The following ERICH3 variants were observed in gnomAD, a reference collection of about 807,000 sequenced individuals.
ERICH3 encodes glutamate rich 3.
A neutral mutation model predicts 131.1 loss-of-function variants in ERICH3; 126 were observed. That is an observed-to-expected ratio of 0.96 (90% CI 0.83 to 1.11). The LOEUF is 1.11. ERICH3 is among the 50% of genes most tolerant of loss of function. ERICH3 has a pLI of 0.00. For missense variants in ERICH3, 2,050 were observed against 1,810.7 expected, an observed-to-expected ratio of 1.13 and a Z score of -2.40; for synonymous variants, 695 against 644.6, an observed-to-expected ratio of 1.08 and a Z score of -1.18.
At position 74,589,641 on chromosome 1, in the gene ERICH3, C is replaced by CA. The variant is rs1482190316; in HGVS notation, c.2165dup (p.Leu722PhefsTer28). 1.8e-5 allele frequency: 29 copies of CA among 1,613,444 alleles called. No individual in the cohort carries two copies. The highest frequency in any genetic ancestry group is 2.7e-5 in the African/African-American group (2 of 74,884). On this transcript the variant is annotated frameshift_variant, in exon 12 of 15. Transcript: ENST00000326665. LOFTEE classifies it high-confidence loss of function. ...AACGGCCATACTTACCACCTTCCTCCAACCCAGGGAGACCTGCCTTTTTGT... is the reference window on the plus strand; with the variant it reads ...AACGGCCATACTTACCACCTTCCTCCAAACCCAGGGAGACCTGCCTTTTTGT...
At position 74,571,914 on chromosome 1, in the gene ERICH3, C is replaced by T. The variant is rs898062354; in HGVS notation, c.3796G>A (p.Val1266Ile). ...ACAGCTTCCTGGGTCCTTAGCACGA[C>T]ATCCACTCCTCCTTGCCCTTCAGCT... ...GRAEGQGGVD[V>I]VLRTQEAVAE... The change falls in exon 14 of 15, where the codon GTC (valine) becomes ATC (isoleucine). Residue 1266 changes from valine to isoleucine, a missense_variant. Physicochemically the swap from Val to Ile is conservative, Grantham distance 29. Coordinates refer to ENST00000326665, the MANE Select transcript of ERICH3 (RefSeq NM_001002912.5). 1 of 1,612,784 alleles carries T rather than the reference C, an allele frequency of 6.2e-7. No individual in the cohort carries two copies. Among genetic ancestry groups the T allele is most frequent in the East Asian group, 2.2e-5 (1 of 44,868 alleles).
chr1:74,632,470 T>C (rs1646349490), intron 6 of ERICH3, among the ~76,000 whole-genome samples: 1 of 152,028 alleles, frequency 6.6e-6, no homozygotes, highest in South Asian at 2.1e-4. Context: ...ATATATCCTT[T>C]GACCTAGAAA....
chr1:74,641,320 A>C lies in ERICH3; in HGVS notation c.444+11T>G. The C allele has an allele frequency of 6.2e-7, 1 of 1,611,490 alleles. No homozygotes were observed. Among genetic ancestry groups the C allele is most frequent in the Non-Finnish European group, 8.5e-7 (1 of 1,178,962 alleles). ...GGGATACTGCATGACGAAGTGTTTA[A>C]TATTACTCACCAGTGCTAACGGACT... On this transcript the variant is annotated intron_variant, in intron 5 of 14. Transcript: ENST00000326665.
intron 11 of ERICH3, among the ~76,000 whole-genome samples, chr1:74,594,990 G>T (rs971013716): frequency 6.6e-6 from 1 of 152,090 alleles, no homozygotes; most frequent in Non-Finnish European, 1.5e-5. Flanking sequence ...TGACATAACC[G>T]TGGATCCCAA....
In ERICH3 at chr1:74,572,146, T is replaced by A. The variant is rs1185576967; in HGVS notation, c.3564A>T (p.Thr1188=). 2.7e-5 allele frequency: 44 copies of A among 1,614,000 alleles called. No homozygotes were observed. The highest frequency in any genetic ancestry group is 3.6e-5 in the Non-Finnish European group (42 of 1,180,020). The change falls in exon 14 of 15, where the codon ACA becomes ACT. Residue 1188 remains threonine, a synonymous_variant. Transcript: ENST00000326665. Reference sequence around the variant, plus strand: ...ACAGCTCTTCTCTGTCTTTGTGCTCTGTGTCTCTGGCTTCACTCAGTCTTT... The same window carrying A: ...ACAGCTCTTCTCTGTCTTTGTGCTCAGTGTCTCTGGCTTCACTCAGTCTTT... ...GGERLSEARD[T]EHKDREELSS... is the part of the protein sequence containing the mutation.
chr1:74,651,336 T>C (rs963552118), intron 1 of ERICH3, among the ~76,000 whole-genome samples: 11 of 152,082 alleles, frequency 7.2e-5, no homozygotes, highest in African/African-American at 2.7e-4. Context: ...AGGTGCCACA[T>C]GAGGGTTGCA....
At chr1:74,585,099 C>A (rs182183276) in intron 12 of ERICH3, among the ~76,000 whole-genome samples, 31 of 152,280 alleles carry the variant, frequency 2.0e-4, no homozygotes, top group Middle Eastern at 3.4e-3. Context: ...ATACACTACT[C>A]TTTATTTCAT....
At chr1:74,574,227 CT>C (rs1186214816) in intron 13 of ERICH3, among the ~76,000 whole-genome samples, 1 of 151,918 alleles carries the variant, frequency 6.6e-6, no homozygotes, top group Admixed American at 6.6e-5. Flanking sequence ...GGTTTCAACT[CT>C]TGGATCTCAA....
chr1:74,640,731 T>C (rs144109896), intron 5 of ERICH3, among the ~76,000 whole-genome samples: 9 of 152,286 alleles, frequency 5.9e-5, no homozygotes, highest in Admixed American at 3.3e-4. Flanking sequence ...TTTCTTCAGA[T>C]AGAATTTCTG....
chr1:74,646,113 G>C (rs1434019151), intron 3 of ERICH3, among the ~76,000 whole-genome samples: 1 of 152,024 alleles, frequency 6.6e-6, no homozygotes, highest in Admixed American at 6.6e-5. Flanking sequence ...TTGATGCTTG[G>C]TTTGTGCATC....
At chr1:74,667,799 T>C (rs535818495) in intron 1 of ERICH3, among the ~76,000 whole-genome samples, 11 of 152,252 alleles carry the variant, frequency 7.2e-5, no homozygotes, top group African/African-American at 2.6e-4. Context: ...TGGATAAGGA[T>C]AGTTGATATC....
chr1:74,587,097 G>A (rs696690), intron 12 of ERICH3, among the ~76,000 whole-genome samples: 8,245 of 152,024 alleles, frequency 0.054, 274 homozygotes, highest in South Asian at 0.13. Context: ...AGACCGAGGC[G>A]GGTGGATCAC....
At position 74,621,138 on chromosome 1, in the gene ERICH3, A is replaced by C. The variant is rs537549985; in HGVS notation, c.820-224T>G. 2.6e-5 allele frequency among the ~76,000 whole-genome samples: 4 copies of C among 152,294 alleles called. No homozygotes were observed. The East Asian group carries it at 7.7e-4, about 29-fold the overall frequency. ...GTTTTGGCTTTCTACTTTTAATGTA[A>C]ATAATGGGGATTTGGATAGAGTTTG... On this transcript the variant is annotated intron_variant, in intron 7 of 14. Coordinates refer to ENST00000326665, the MANE Select transcript of ERICH3 (RefSeq NM_001002912.5).
Position 74,572,507 on chromosome 1 carries a change from G to GT in ERICH3, c.3202dup (p.Thr1068AsnfsTer7), listed in dbSNP as rs1646971985. 6.2e-7 allele frequency: 1 copy of GT among 1,613,932 alleles called. No individual in the cohort carries two copies. The highest frequency in any genetic ancestry group is 1.1e-5 in the South Asian group (1 of 91,074). On this transcript the variant is annotated frameshift_variant, in exon 14 of 15. Coordinates refer to ENST00000326665, the MANE Select transcript of ERICH3 (RefSeq NM_001002912.5). LOFTEE classifies it high-confidence loss of function. ...CTCAGAGTCAGTTTTCCTCAGAGAT[G>GT]TTTTTGGCCTCTCAGCTTTCCTTCG...
intron 12 of ERICH3, among the ~76,000 whole-genome samples, chr1:74,584,509 C>T (rs992332811): frequency 6.6e-6 from 1 of 152,160 alleles, no homozygotes; most frequent in Non-Finnish European, 1.5e-5. Flanking sequence ...CTTGCTGGAC[C>T]CCTGCTCCCT....
chr1:74,579,912 GC>G (rs1234946238), intron 12 of ERICH3: 1 of 978,462 alleles, frequency 1.0e-6, no homozygotes. Context: ...TAGAAAGTCA[GC>G]TTTTTTTTTT....
At chr1:74,576,377 C>T (rs1449947848) in intron 13 of ERICH3, among the ~76,000 whole-genome samples, 1 of 152,098 alleles carries the variant, frequency 6.6e-6, no homozygotes, top group Non-Finnish European at 1.5e-5. Flanking sequence ...TAGTTGAATG[C>T]CCATTATAAA....
intron 7 of ERICH3, among the ~76,000 whole-genome samples, chr1:74,628,263 T>G (rs1189148211): frequency 6.6e-6 from 1 of 152,150 alleles, no homozygotes; most frequent in African/African-American, 2.4e-5. Flanking sequence ...CTGAATAACA[T>G]CATGGGACTC....
chr1:74,602,444 C>T (rs981626806), intron 10 of ERICH3, among the ~76,000 whole-genome samples: 2 of 151,916 alleles, frequency 1.3e-5, no homozygotes, highest in Non-Finnish European at 2.9e-5. Context: ...TTGCCTTCTT[C>T]TAGAGAATTT....
Sources: gnomAD v4.1 joint callset for allele counts (sites outside exome capture counted in the v4.1 genomes callset) on GRCh38, gnomAD v4.1.1 for gene constraint, MANE v1.5 for transcripts, NCBI Gene and HGNC (gene_info 2026-07-23, HGNC 2026-07-21) for gene names.